Variants in USP14 observed in about 807,000 individuals in gnomAD.
USP14 encodes the protein ubiquitin carboxyl-terminal hydrolase 14.
Under a neutral mutation model 76.5 loss-of-function variants are expected in USP14, and 38 were observed. That is an observed-to-expected ratio of 0.50 (90% CI 0.38 to 0.65). USP14 has a LOEUF of 0.65. USP14 is among the 30% of genes least tolerant of loss of function. The pLI, the probability that USP14 is intolerant of heterozygous loss-of-function variation, is 0.00. For synonymous variants in USP14, 192 were observed against 191.7 expected (o/e 1.00, Z -0.01); for missense variants, 467 against 586.5 (o/e 0.80, Z 2.10).
intron 13 of USP14, among the ~76,000 whole-genome samples, chr18:208,902 T>C (rs555107009): frequency 9.3e-4 from 141 of 152,244 alleles, no homozygotes; most frequent in Admixed American, 1.5e-3. Context: ...AGTGCCACCA[T>C]GCCTGGCTAA....
chr18:210,833 G>A lies in USP14; in HGVS notation c.1334-300G>A, dbSNP rs369416345. ...CAGCTGGGTTCTCCTGTTAGTGTTC[G>A]CATTCAGTCTGTTGCATTATCATAC... On this transcript the variant is annotated intron_variant, in intron 15 of 15. Coordinates refer to ENST00000261601, the MANE Select transcript of USP14 (RefSeq NM_005151.4). Among the ~76,000 whole-genome samples the A allele has an allele frequency of 3.1e-4, 47 of 152,240 alleles. No homozygotes were observed. The South Asian group carries it at 7.3e-3, about 24-fold the overall frequency.
intron 1 of USP14, among the ~76,000 whole-genome samples, chr18:160,404 T>C (rs1445343076): frequency 1.3e-5 from 2 of 152,186 alleles, no homozygotes; most frequent in African/African-American, 4.8e-5. Context: ...ATGCTTTTAA[T>C]CCCAGCTACT....
At chr18:208,682 T>A (rs967305428) in intron 13 of USP14, among the ~76,000 whole-genome samples, 4 of 152,162 alleles carry the variant, frequency 2.6e-5, no homozygotes, top group Non-Finnish European at 5.9e-5. Flanking sequence ...CTGTTATGTT[T>A]CTGTTGATTC....
intron 5 of USP14, among the ~76,000 whole-genome samples, chr18:191,599 T>C (rs1910090341): frequency 6.6e-6 from 1 of 152,168 alleles, no homozygotes; most frequent in Admixed American, 6.5e-5. Context: ...TCCACCCCCT[T>C]CCAGCAACTA....
intron 2 of USP14, among the ~76,000 whole-genome samples, chr18:164,942 C>CTAT (rs932772115): frequency 1.1e-4 from 17 of 151,988 alleles, no homozygotes; most frequent in African/African-American, 3.4e-4. Flanking sequence ...AAGAAGATAT[C>CTAT]TATTATTATT....
intron 3 of USP14, among the ~76,000 whole-genome samples, chr18:168,061 G>T (rs1909328398): frequency 6.6e-6 from 1 of 150,990 alleles, no homozygotes; most frequent in Non-Finnish European, 1.5e-5. Context: ...CCTGAGCTGG[G>T]ATTACAGGCG....
chr18:206,466 G>T (rs1910531526), intron 13 of USP14, among the ~76,000 whole-genome samples: 2 of 152,184 alleles, frequency 1.3e-5, no homozygotes, highest in South Asian at 2.1e-4. Context: ...TGTGGTTTGT[G>T]AATATTTTCT....
chr18:171,023 A>ATAT (rs1555762329), intron 3 of USP14, among the ~76,000 whole-genome samples: 273 of 46,638 alleles, frequency 5.9e-3, no homozygotes, highest in African/African-American at 0.014. Flanking sequence ...AAAAAAAAAA[A>ATAT]AAATATATAT....
At position 214,592 on chromosome 18, in the gene USP14, A is replaced by G. The variant is rs1429916108; in HGVS notation, c.*3308A>G. The G allele has an allele frequency of 5.8e-6, 9 of 1,547,622 alleles. No individual in the cohort carries two copies. Among genetic ancestry groups the G allele is most frequent in the East Asian group, 4.5e-5 (2 of 44,414 alleles). On this transcript the variant is annotated 3_prime_UTR_variant, in exon 16 of 16. Transcript: ENST00000261601. ...CAAATGCTGCTTGGTAACAAAATCT[A>G]TCACAGTTTTAATAAAAAGAAAAAA...
rs11309 is a variant in USP14 at position 214,486 on chromosome 18, A to G, written c.*3202A>G. ...TCTGGTTTGAGCCAATATGTGTTCTATTGTTCTCAGAGCACCAGCCGACTG... is the reference window on the plus strand; with the variant it reads ...TCTGGTTTGAGCCAATATGTGTTCTGTTGTTCTCAGAGCACCAGCCGACTG... On this transcript the variant is annotated 3_prime_UTR_variant, in exon 16 of 16. Coordinates refer to ENST00000261601, the MANE Select transcript of USP14 (RefSeq NM_005151.4). 233 of 713,778 alleles carry G rather than the reference A, an allele frequency of 3.3e-4. No homozygotes were observed. The highest frequency in any genetic ancestry group is 4.8e-4 in the African/African-American group (27 of 56,008). 44.2% of individuals were successfully genotyped at this position (713,778 alleles called of 1,614,324 possible).
chr18:165,404 A>T (rs1007328795), intron 2 of USP14, among the ~76,000 whole-genome samples: 3 of 152,188 alleles, frequency 2.0e-5, no homozygotes, highest in African/African-American at 7.2e-5. Context: ...TTTACCCCCG[A>T]AGGTACAGTA....
In USP14 at chr18:163,353, A is replaced by G. The variant is rs779860286; in HGVS notation, c.62A>G (p.Asn21Ser). ...GKEKFEGVEL[N>S]TDEPPMVFKA... ...GAGAAATTTGAAGGTGTAGAATTGAATACAGATGAACCTCCAATGGTATTC... is the reference window on the plus strand; with the variant it reads ...GAGAAATTTGAAGGTGTAGAATTGAGTACAGATGAACCTCCAATGGTATTC... The change falls in exon 2 of 16, where the codon AAT becomes AGT. Residue 21 changes from asparagine (N) to serine (S), a missense_variant. Physicochemically the swap from Asn to Ser is conservative, Grantham distance 46. Coordinates refer to ENST00000261601, the MANE Select transcript of USP14 (RefSeq NM_005151.4). 8 of 1,614,012 alleles carry G rather than the reference A, an allele frequency of 5.0e-6. No individual in the cohort carries two copies. The highest frequency in any genetic ancestry group is 5.9e-6 in the Non-Finnish European group (7 of 1,179,946).
At position 213,368 on chromosome 18, in the gene USP14, A is replaced by AT. The variant is rs577740848; in HGVS notation, c.*2091dup. On this transcript the variant is annotated 3_prime_UTR_variant, in exon 16 of 16. Coordinates refer to ENST00000261601, the MANE Select transcript of USP14 (RefSeq NM_005151.4). ...CCTTATCATCATTATAAAAAGCTTG[A>AT]TTTTTTTATTTGATCTAAAAAAGCA... 1 of 152,128 alleles carries AT rather than the reference A, an allele frequency of 6.6e-6. No individual in the cohort carries two copies. The highest frequency in any genetic ancestry group is 2.4e-5 in the African/African-American group (1 of 41,450). The allele number at this position is 152,128 out of a possible 1,614,324, so 9.4% of individuals were successfully genotyped here. A position where few individuals can be genotyped will look rare whatever the true frequency, so the allele number is the denominator to read the frequency against.
At chr18:170,371 A>G (rs1410765339) in intron 3 of USP14, among the ~76,000 whole-genome samples, 2 of 152,204 alleles carry the variant, frequency 1.3e-5, no homozygotes, top group Non-Finnish European at 2.9e-5. Flanking sequence ...AGAGAAAGGA[A>G]GAGTTTCATG....
At chr18:187,362 T>C (rs900138167) in intron 5 of USP14, among the ~76,000 whole-genome samples, 1 of 152,210 alleles carries the variant, frequency 6.6e-6, no homozygotes, top group African/African-American at 2.4e-5. Flanking sequence ...TGCATACTTC[T>C]TACTTTCAGT....
At chr18:180,461 T>C (rs550427032) in intron 5 of USP14, 122 bp downstream of exon 5, 24 of 650,424 alleles carry the variant, frequency 3.7e-5, no homozygotes, top group African/African-American at 1.2e-4. Flanking sequence ...TTCAGCATTT[T>C]AAAGTGTTTA....
chr18:199,942 A>C (rs951844737), intron 10 of USP14, among the ~76,000 whole-genome samples: 5 of 152,206 alleles, frequency 3.3e-5, no homozygotes, highest in Non-Finnish European at 7.3e-5. Context: ...AACAAAATCA[A>C]CTGTATAGTC....
Position 158,709 on chromosome 18 carries a change from A to C in USP14, c.11A>C (p.Tyr4Ser). ...CCGCCGCGCCCCGCCATGCCGCTCT[A>C]CTCCGGTGAGCCCTGTCCTGGCCTC... MPL[Y>S]SVTVKWGKEK... The change falls in exon 1 of 16, where the codon TAC (tyrosine) becomes TCC (serine). Residue 4 changes from tyrosine to serine, a missense_variant. Tyr to Ser is a moderately radical substitution (Grantham distance 144). Coordinates refer to ENST00000261601, the MANE Select transcript of USP14 (RefSeq NM_005151.4). 1 of 1,534,978 alleles carries C rather than the reference A, an allele frequency of 6.5e-7. No individual in the cohort carries two copies. Among genetic ancestry groups the C allele is most frequent in the Non-Finnish European group, 8.7e-7 (1 of 1,150,666 alleles).
At chr18:176,902 G>A (rs1011237116) in intron 3 of USP14, among the ~76,000 whole-genome samples, 9 of 150,816 alleles carry the variant, frequency 6.0e-5, no homozygotes, top group Admixed American at 2.0e-4. Context: ...AATTTTTTAA[G>A]GGCATTGTTT....
Sources: allele counts gnomAD v4.1 joint callset (sites outside exome capture counted in the v4.1 genomes callset), GRCh38; gene constraint gnomAD v4.1.1; transcripts MANE v1.5; gene names NCBI Gene and HGNC (gene_info 2026-07-23, HGNC 2026-07-21).